Variants in CAMP observed in about 807,000 individuals in gnomAD.
The protein encoded by CAMP is cathelicidin antimicrobial peptide, also known as 18 kDa cationic antimicrobial protein.
Under a neutral mutation model 12.7 loss-of-function variants are expected in CAMP, and 10 were observed. The ratio of observed to expected loss-of-function variants is 0.79; its 90% CI spans 0.49 to 1.34. CAMP has a LOEUF of 1.34. Ranked by LOEUF, CAMP falls within the 40% of genes most tolerant of loss-of-function variation. The pLI, the probability that CAMP is intolerant of heterozygous loss-of-function variation, is 0.00. For synonymous variants in CAMP, 87 were observed against 85.2 expected (o/e 1.02, Z -0.12); for missense variants, 205 against 213.0 (o/e 0.96, Z 0.23).
chr3:48,223,736 T>C (rs1456046923), intron 1 of CAMP, 24 bp downstream of exon 1: 2 of 1,592,350 alleles, frequency 1.3e-6, no homozygotes, highest in South Asian at 2.2e-5. Context: ...GACATTCTGC[T>C]CTGCTCTGGC....
chr3:48,223,606 T>G lies in CAMP; in HGVS notation c.95T>G (p.Val32Gly). The change falls in exon 1 of 4, where the codon GTC becomes GGC. Residue 32 changes from valine to glycine, a missense_variant. Physicochemically the swap from Val to Gly is moderately radical, Grantham distance 109 (BLOSUM62 -3). Coordinates refer to ENST00000652295, the MANE Select transcript of CAMP (RefSeq NM_004345.5). ...LVMPLAIIAQVLSYKEAVLRA... is the reference protein window; with the variant it reads ...LVMPLAIIAQGLSYKEAVLRA... ...ATGCCTCTGGCCATCATTGCCCAGG[T>G]CCTCAGCTACAAGGAAGCTGTGCTT... 6.2e-7 allele frequency: 1 copy of G among 1,614,090 alleles called. No homozygotes were observed.
At position 48,223,737 on chromosome 3, in the gene CAMP, C is replaced by T. The variant is rs764047283; in HGVS notation, c.201+25C>T. The T allele has an allele frequency of 8.9e-5, 142 of 1,588,766 alleles. 2 individuals carry two copies. The South Asian group carries it at 1.5e-3, about 17-fold the overall frequency. ...GGTGAGCTTTGGGGGACATTCTGCT[C>T]TGCTCTGGCTGGGCTTGGCCACGTG... On this transcript the variant is annotated intron_variant, in intron 1 of 3. Coordinates refer to ENST00000652295, the MANE Select transcript of CAMP (RefSeq NM_004345.5).
chr3:48,224,733 A>G, intron 3 of CAMP, 59 bp downstream of exon 3: 4 of 1,262,548 alleles, frequency 3.2e-6, no homozygotes, highest in Non-Finnish European at 4.6e-6. Flanking sequence ...GGACCATCCA[A>G]TGGGTCAATT....
At chr3:48,224,717 G>A (rs771619958) in intron 3 of CAMP, 43 bp downstream of exon 3, 4 of 1,410,522 alleles carry the variant, frequency 2.8e-6, no homozygotes, top group Admixed American at 1.7e-5. Context: ...TGGGGGCATA[G>A]AGTGTGGACC....
Position 48,223,683 on chromosome 3 carries a change from C to T in CAMP, c.172C>T (p.Leu58Phe), listed in dbSNP as rs566707956. The T allele has an allele frequency of 1.7e-4, 280 of 1,614,106 alleles. 4 individuals are homozygous for T. In the South Asian group the frequency reaches 3.0e-3, roughly 17 times the overall value. ...QRSSDANLYR[L>F]LDLDPRPTMD... ...GTCCTCGGATGCTAACCTCTACCGC[C>T]TCCTGGACCTGGACCCCAGGCCCAC... The change falls in exon 1 of 4, where the codon CTC becomes TTC. Residue 58 changes from leucine (L) to phenylalanine (F), a missense_variant. Physicochemically the swap from Leu to Phe is conservative, Grantham distance 22 (BLOSUM62 0). Coordinates refer to ENST00000652295, the MANE Select transcript of CAMP (RefSeq NM_004345.5).
intron 2 of CAMP, 35 bp from the exon 3 acceptor site, chr3:48,224,568 G>A (rs1476977457): frequency 6.3e-7 from 1 of 1,596,184 alleles, no homozygotes; most frequent in Non-Finnish European, 8.6e-7. Context: ...CATGGCAAAT[G>A]GTTTCAAGTT....
At chr3:48,223,734 G>T (rs760422369) in intron 1 of CAMP, 22 bp downstream of exon 1, 3 of 1,596,008 alleles carry the variant, frequency 1.9e-6, no homozygotes, top group African/African-American at 1.3e-5. Flanking sequence ...GGGACATTCT[G>T]CTCTGCTCTG....
At position 48,223,631 on chromosome 3, in the gene CAMP, T is replaced by G. The variant is rs747329624; in HGVS notation, c.120T>G (p.Leu40=). ...TCCTCAGCTACAAGGAAGCTGTGCT[T>G]CGTGCTATAGATGGCATCAACCAGC... ...AQVLSYKEAV[L]RAIDGINQRS... Residue 40 remains leucine, a synonymous_variant, in exon 1 of 4, where the codon CTT becomes CTG. Transcript: ENST00000652295. 1.2e-6 allele frequency: 2 copies of G among 1,614,038 alleles called. No individual in the cohort carries two copies. The highest frequency in any genetic ancestry group is 2.2e-5 in the South Asian group (2 of 91,084).
chr3:48,224,837 C>T (rs2033483074), intron 3 of CAMP, among the ~76,000 whole-genome samples, 163 bp downstream of exon 3: 1 of 152,142 alleles, frequency 6.6e-6, no homozygotes, highest in Non-Finnish European at 1.5e-5. Context: ...TCTGGAATCC[C>T]TTAGAGCGGT....
chr3:48,223,657 G>A lies in CAMP; in HGVS notation c.146G>A (p.Arg49Gln), dbSNP rs372907193. The A allele has an allele frequency of 2.2e-5, 35 of 1,614,174 alleles. 1 individual carries two copies. Among genetic ancestry groups the A allele is most frequent in the East Asian group, 6.7e-5 (3 of 44,878 alleles). Residue 49 changes from arginine to glutamine, a missense_variant, in exon 1 of 4, where the codon CGG (arginine) becomes CAG (glutamine). Transcript: ENST00000652295. ...VLRAIDGINQRSSDANLYRLL... is the reference protein window; with the variant it reads ...VLRAIDGINQQSSDANLYRLL... ...CGTGCTATAGATGGCATCAACCAGC[G>A]GTCCTCGGATGCTAACCTCTACCGC... is the stretch of plus-strand genomic sequence containing the variant.
intron 1 of CAMP, 122 bp downstream of exon 1, chr3:48,223,834 C>T (rs759847683): frequency 4.1e-6 from 3 of 726,652 alleles, no homozygotes; most frequent in Non-Finnish European, 7.0e-6. Flanking sequence ...CCCGTGTTTT[C>T]CAGGGAACCT....
At position 48,225,347 on chromosome 3, in the gene CAMP, A is replaced by T. The variant is rs771329723; in HGVS notation, c.436A>T (p.Ile146Phe). 6.2e-7 allele frequency: 1 copy of T among 1,613,586 alleles called. No homozygotes were observed. Among genetic ancestry groups the T allele is most frequent in the South Asian group, 1.1e-5 (1 of 91,058 alleles). The change falls in exon 4 of 4, where the codon ATT becomes TTT. Residue 146 changes from isoleucine to phenylalanine, a missense_variant. By Grantham distance (21) the Ile-to-Phe change is conservative. Transcript: ENST00000652295. ...TTTCTTCCGGAAATCTAAAGAGAAGATTGGCAAAGAGTTTAAAAGAATTGT... is the reference window on the plus strand; with the variant it reads ...TTTCTTCCGGAAATCTAAAGAGAAGTTTGGCAAAGAGTTTAAAAGAATTGT... ...GDFFRKSKEK[I>F]GKEFKRIVQR...
Position 48,223,538 on chromosome 3 carries a change from C to T in CAMP, c.27C>T (p.Ser9=). The change falls in exon 1 of 4, where the codon TCC becomes TCT. Residue 9 remains serine (S), a synonymous_variant. Coordinates refer to ENST00000652295, the MANE Select transcript of CAMP (RefSeq NM_004345.5). MKTQRDGH[S]LGRWSLVLLL... ...TGAAGACCCAAAGGGATGGCCACTC[C>T]CTGGGGCGGTGGTCACTGGTGCTCC... 6.2e-7 allele frequency: 1 copy of T among 1,606,116 alleles called. No individual in the cohort carries two copies. The highest frequency in any genetic ancestry group is 8.5e-7 in the Non-Finnish European group (1 of 1,176,614).
rs893620379 is a variant in CAMP, at chr3:48,225,160, C to T, written c.382-133C>T. ...CAATCACATGCTTCAAAGGTCACAG[C>T]CAGAGGTTGAACTGGGGCCCCAAAG... On this transcript the variant is annotated intron_variant, in intron 3 of 3. Transcript: ENST00000652295. The T allele has an allele frequency of 3.4e-5, 25 of 731,090 alleles. No individual in the cohort carries two copies. The African/African-American group carries it at 4.2e-4, about 12-fold the overall frequency. 45.3% of individuals were successfully genotyped at this position (731,090 alleles called of 1,614,324 possible).
Sources: allele counts gnomAD v4.1 joint callset (sites outside exome capture counted in the v4.1 genomes callset), GRCh38; gene constraint gnomAD v4.1.1; transcripts MANE v1.5; gene names NCBI Gene and HGNC (gene_info 2026-07-23, HGNC 2026-07-21).